KCND3: variants seen among roughly 807,000 people sequenced by gnomAD.
KCND3 encodes potassium voltage-gated channel subfamily D member 3, also known as A-type voltage-gated potassium channel KCND3.
A neutral mutation model predicts 51.1 loss-of-function variants in KCND3; 9 were observed. The ratio of observed to expected loss-of-function variants is 0.18; its 90% CI spans 0.11 to 0.31. The LOEUF (loss-of-function observed/expected upper bound fraction) is 0.31, where lower values mean the gene tolerates loss of function less well. KCND3 is among the 10% of genes least tolerant of loss of function. KCND3 has a pLI of 1.00. For missense variants in KCND3, 526 were observed against 903.8 expected (o/e 0.58, Z 5.36); for synonymous variants, 349 against 368.0 (o/e 0.95, Z 0.59).
At chr1:111,925,529 G>T (rs1426128809) in intron 2 of KCND3, among the ~76,000 whole-genome samples, 1 of 152,196 alleles carries the variant, frequency 6.6e-6, no homozygotes, top group Non-Finnish European at 1.5e-5. Flanking sequence ...GACACAAGGA[G>T]ACCTGGGTTC....
intron 2 of KCND3, among the ~76,000 whole-genome samples, chr1:111,908,002 C>T (rs990251902): frequency 3.9e-5 from 6 of 152,180 alleles, no homozygotes; most frequent in African/African-American, 1.4e-4. Context: ...TTGTAGAGTG[C>T]CTCCTAGGGA....
intron 2 of KCND3, among the ~76,000 whole-genome samples, chr1:111,842,018 T>C (rs1255961761): frequency 4.6e-5 from 7 of 152,086 alleles, no homozygotes; most frequent in Non-Finnish European, 1.0e-4. Flanking sequence ...CCAGGGCCCA[T>C]TGGGACTTTG....
chr1:111,940,073 G>GTTTTTTTTTTTTTTTTTTTTTTT (rs61088602), intron 2 of KCND3, among the ~76,000 whole-genome samples: 82 of 85,462 alleles, frequency 9.6e-4, no homozygotes, highest in African/African-American at 1.6e-3. Flanking sequence ...CTTTTTGATG[G>GTTTTTTTTTTTTTTTTTTTTTTT]TTTTTTTTTT....
intron 2 of KCND3, among the ~76,000 whole-genome samples, chr1:111,951,063 G>A (rs1236194531): frequency 6.6e-6 from 1 of 151,108 alleles, no homozygotes; most frequent in East Asian, 2.0e-4. Context: ...CCAGCTACTT[G>A]GGAGGCCGAG....
intron 5 of KCND3, among the ~76,000 whole-genome samples, chr1:111,779,335 C>T (rs1664272121): frequency 1.3e-5 from 2 of 152,120 alleles, no homozygotes; most frequent in African/African-American, 4.8e-5. Flanking sequence ...AAAAAGGAGT[C>T]ATCTAACATT....
intron 2 of KCND3, among the ~76,000 whole-genome samples, chr1:111,907,198 G>A (rs1670689326): frequency 6.6e-6 from 1 of 152,208 alleles, no homozygotes; most frequent in Non-Finnish European, 1.5e-5. Flanking sequence ...TTGCTGGGGT[G>A]TGCTCAGGGA....
chr1:111,910,145 C>T (rs1298004442), intron 2 of KCND3: 1 of 152,258 alleles, frequency 6.6e-6, no homozygotes, highest in Non-Finnish European at 1.5e-5. Context: ...CATTGCCTCC[C>T]CCTCAGAGGA....
At chr1:111,973,141 C>T (rs898223944) in intron 2 of KCND3, among the ~76,000 whole-genome samples, 2 of 152,182 alleles carry the variant, frequency 1.3e-5, no homozygotes, top group Non-Finnish European at 2.9e-5. Context: ...AATTGTTTGG[C>T]TGATCAGTTA....
chr1:111,828,760 G>A (rs748875794), intron 2 of KCND3, among the ~76,000 whole-genome samples: 10 of 152,178 alleles, frequency 6.6e-5, no homozygotes, highest in Non-Finnish European at 1.0e-4. Flanking sequence ...GCTCTTTGCT[G>A]TTGCCACCGT....
At chr1:111,956,223 C>T (rs1673332796) in intron 2 of KCND3, among the ~76,000 whole-genome samples, 2 of 152,032 alleles carry the variant, frequency 1.3e-5, no homozygotes, top group East Asian at 3.9e-4. Context: ...ACTGTGAATC[C>T]CCCTCACTCT....
At position 111,829,900 on chromosome 1, in the gene KCND3, G is replaced by T. The variant is rs533373197; in HGVS notation, c.1107-42794C>A. ...GGGCATCACCTTTGATTTCTCCCAG[G>T]TAGCACTGGTGGCTGCATCCTTAGT... On this transcript the variant is annotated intron_variant, in intron 2 of 7. Transcript: ENST00000302127. Among the ~76,000 whole-genome samples, 5 of 152,296 alleles carry T rather than the reference G, an allele frequency of 3.3e-5. No individual in the cohort carries two copies. In the South Asian group the frequency reaches 6.2e-4, roughly 19 times the overall value.
chr1:111,781,317 C>T (rs975332568), intron 3 of KCND3, among the ~76,000 whole-genome samples: 10 of 152,120 alleles, frequency 6.6e-5, no homozygotes, highest in Non-Finnish European at 1.0e-4. Flanking sequence ...TTTCTTTGCA[C>T]GTATTACTAA....
chr1:111,824,276 A>C (rs1383232171), intron 2 of KCND3, among the ~76,000 whole-genome samples: 1 of 152,278 alleles, frequency 6.6e-6, no homozygotes, highest in South Asian at 2.1e-4. Context: ...AAGCAGGGAG[A>C]CCAGGCTTGG....
intron 2 of KCND3, among the ~76,000 whole-genome samples, chr1:111,807,909 T>C (rs1406989427): frequency 6.6e-6 from 1 of 152,198 alleles, no homozygotes; most frequent in Non-Finnish European, 1.5e-5. Flanking sequence ...TATTAACAAT[T>C]CAAGAAAATA....
chr1:111,942,649 T>C (rs1672581307), intron 2 of KCND3, among the ~76,000 whole-genome samples: 1 of 152,214 alleles, frequency 6.6e-6, no homozygotes, highest in South Asian at 2.1e-4. Flanking sequence ...TCCTGTCTCA[T>C]GCCTGCCACC....
intron 2 of KCND3, among the ~76,000 whole-genome samples, chr1:111,955,490 C>A (rs979309737): frequency 6.6e-6 from 1 of 152,170 alleles, no homozygotes; most frequent in Non-Finnish European, 1.5e-5. Flanking sequence ...GGTAAATCAT[C>A]CCCTCCTCTG....
chr1:111,964,799 T>A (rs745729287), intron 2 of KCND3, among the ~76,000 whole-genome samples: 2 of 152,076 alleles, frequency 1.3e-5, no homozygotes, highest in Admixed American at 6.5e-5. Flanking sequence ...GAGAGAGGGA[T>A]CCTGTGAGCT....
chr1:111,860,665 C>G (rs1298317199), intron 2 of KCND3, among the ~76,000 whole-genome samples: 1 of 152,182 alleles, frequency 6.6e-6, no homozygotes, highest in Non-Finnish European at 1.5e-5. Flanking sequence ...CAGTTTAGTT[C>G]CCAGGATGAG....
chr1:111,946,043 CATA>C (rs770715942), intron 2 of KCND3, among the ~76,000 whole-genome samples: 2 of 152,224 alleles, frequency 1.3e-5, no homozygotes, highest in Non-Finnish European at 2.9e-5. Context: ...TAAGTGTGTA[CATA>C]ATGATGTACA....
Sources: gnomAD v4.1 joint callset for allele counts (sites outside exome capture counted in the v4.1 genomes callset) on GRCh38, gnomAD v4.1.1 for gene constraint, MANE v1.5 for transcripts, NCBI Gene and HGNC (gene_info 2026-07-23, HGNC 2026-07-21) for gene names.